The following RAB7B variants were observed in gnomAD, a reference collection of about 807,000 sequenced individuals.
RAB7B encodes RAB7B, member RAS oncogene family.
At chr1:205,986,019 C>T (rs1660599066) in intron 4 of RAB7B, among the ~76,000 whole-genome samples, 1 of 152,268 alleles carries the variant, frequency 6.6e-6, no homozygotes. Context: ...GAATTACAGC[C>T]CACTGCACTT....
At chr1:205,983,182 G>A (rs1053520116) in intron 5 of RAB7B, among the ~76,000 whole-genome samples, 61 of 152,196 alleles carry the variant, frequency 4.0e-4, no homozygotes, top group African/African-American at 1.4e-3. Context: ...ATTCCTCCAC[G>A]CCAGGTGTCT....
rs2102629721 is a variant in RAB7B at position 205,978,934 on chromosome 1, G to A, written c.523-6C>T. On this transcript the variant is annotated splice_region_variant and splice_polypyrimidine_tract_variant and intron_variant, in intron 5 of 5. Transcript: ENST00000617070. ...TTTTCTAAGATGCTCTGGTACTGGG[G>A]AAGGAAAGAGAGGCCGGCATTCATG... The A allele has an allele frequency of 1.0e-5, 4 of 398,814 alleles. No homozygotes were observed. In the East Asian group the frequency reaches 1.4e-4, roughly 14 times the overall value. The allele number at this position is 398,814 out of a possible 1,614,324, so 24.7% of individuals were successfully genotyped here. A position where few individuals can be genotyped will look rare whatever the true frequency, so the allele number is the denominator to read the frequency against.
At chr1:205,999,212 G>A (rs964692690) in intron 1 of RAB7B, among the ~76,000 whole-genome samples, 33 of 152,302 alleles carry the variant, frequency 2.2e-4, no homozygotes, top group Non-Finnish European at 3.5e-4. Flanking sequence ...GGGGCAGGAC[G>A]AGGAAGGTAG....
chr1:205,982,340 T>A (rs968765202), intron 5 of RAB7B, among the ~76,000 whole-genome samples: 5 of 152,212 alleles, frequency 3.3e-5, no homozygotes, highest in African/African-American at 7.2e-5. Flanking sequence ...CAGCTCCTGA[T>A]GTTTCTACCT....
chr1:205,996,242 C>G (rs895977825), intron 1 of RAB7B, among the ~76,000 whole-genome samples: 3 of 149,290 alleles, frequency 2.0e-5, no homozygotes, highest in African/African-American at 7.4e-5. Context: ...TTTGTTTCAC[C>G]CATATATGCA....
intron 4 of RAB7B, among the ~76,000 whole-genome samples, chr1:205,990,891 G>A (rs1288139925): frequency 1.3e-5 from 2 of 148,840 alleles, no homozygotes; most frequent in African/African-American, 2.5e-5. Flanking sequence ...AGGTTCAAGC[G>A]ATTCTCCTGC....
intron 5 of RAB7B, among the ~76,000 whole-genome samples, chr1:205,983,014 T>G (rs1024143876): frequency 1.3e-5 from 2 of 152,212 alleles, no homozygotes; most frequent in Non-Finnish European, 2.9e-5. Context: ...CCTGTTGGGT[T>G]TCAAGGTCCT....
At chr1:205,985,723 T>C (rs1382450746) in intron 4 of RAB7B, 58 bp from the exon 5 acceptor site, 4 of 46,362 alleles carry the variant, frequency 8.6e-5, no homozygotes, top group Admixed American at 3.5e-4. Context: ...TCACCACCAT[T>C]GCCACCATCA....
intron 5 of RAB7B, among the ~76,000 whole-genome samples, chr1:205,979,883 G>T (rs1558141889): frequency 6.6e-6 from 1 of 152,254 alleles, no homozygotes; most frequent in South Asian, 2.1e-4. Flanking sequence ...CAGGGACAGG[G>T]GTGCTGCCTC....
chr1:205,989,122 T>C (rs1660672452), intron 4 of RAB7B, among the ~76,000 whole-genome samples: 1 of 150,216 alleles, frequency 6.7e-6, no homozygotes, highest in African/African-American at 2.5e-5. Context: ...GGCTCCCCTC[T>C]CCTCCATCCT....
At chr1:205,991,410 C>T (rs1200961985) in intron 4 of RAB7B, among the ~76,000 whole-genome samples, 2 of 152,226 alleles carry the variant, frequency 1.3e-5, no homozygotes, top group Non-Finnish European at 2.9e-5. Flanking sequence ...GAACCGATGA[C>T]TCGTAGATCT....
At chr1:206,000,082 T>G (rs1396156600) in intron 1 of RAB7B, among the ~76,000 whole-genome samples, 1 of 152,184 alleles carries the variant, frequency 6.6e-6, no homozygotes, top group African/African-American at 2.4e-5. Flanking sequence ...CCAAGGGCAG[T>G]TTTAAAAAGA....
At chr1:205,986,301 A>C (rs1482263105) in intron 4 of RAB7B, among the ~76,000 whole-genome samples, 1 of 152,174 alleles carries the variant, frequency 6.6e-6, no homozygotes. Context: ...TCACTTTATC[A>C]TATATGAACT....
intron 4 of RAB7B, among the ~76,000 whole-genome samples, chr1:205,991,099 A>T (rs1306773190): frequency 2.6e-5 from 4 of 152,124 alleles, no homozygotes; most frequent in African/African-American, 9.7e-5. Flanking sequence ...TACAAGCCAA[A>T]TTAGAATTGC....
In RAB7B at chr1:205,980,553, T is replaced by G. The variant is rs1011202645; in HGVS notation, c.523-1625A>C. Among the ~76,000 whole-genome samples, 13 of 152,350 alleles carry G rather than the reference T, an allele frequency of 8.5e-5. No homozygotes were observed. The East Asian group carries it at 2.5e-3, about 29-fold the overall frequency. On this transcript the variant is annotated intron_variant, in intron 5 of 5. Transcript: ENST00000617070. ...TGCTTGCAGCATTTCAGTGGGGGTG[T>G]GACTGTGGGAGTCTGTCTCTGTTCC... is the stretch of plus-strand genomic sequence containing the variant.
intron 4 of RAB7B, among the ~76,000 whole-genome samples, chr1:205,988,103 T>G (rs1219693593): frequency 6.6e-6 from 1 of 152,174 alleles, no homozygotes; most frequent in Non-Finnish European, 1.5e-5. Context: ...GTATTCACAT[T>G]GTACATTCCT....
chr1:205,998,994 G>A (rs1038736804), intron 1 of RAB7B, among the ~76,000 whole-genome samples: 3 of 152,122 alleles, frequency 2.0e-5, no homozygotes, highest in Admixed American at 6.5e-5. Context: ...CAGAAAGCCC[G>A]CACGTGTTAG....
At chr1:205,979,890 C>A (rs1571789241) in intron 5 of RAB7B, among the ~76,000 whole-genome samples, 1 of 152,164 alleles carries the variant, frequency 6.6e-6, no homozygotes, top group Non-Finnish European at 1.5e-5. Flanking sequence ...AGGGGTGCTG[C>A]CTCCTTGTCT....
chr1:205,992,364 C>T (rs1660734920), intron 4 of RAB7B, 116 bp downstream of exon 4: 1 of 397,434 alleles, frequency 2.5e-6, no homozygotes, highest in Non-Finnish European at 4.4e-6. Context: ...CTGTGAAATT[C>T]CTGAAGTAAG....
Sources: allele counts gnomAD v4.1 joint callset (sites outside exome capture counted in the v4.1 genomes callset), GRCh38; gene constraint gnomAD v4.1.1; transcripts MANE v1.5; gene names NCBI Gene and HGNC (gene_info 2026-07-23, HGNC 2026-07-21).